Variants in FZD10 observed in about 807,000 individuals in gnomAD.
FZD10 encodes the protein frizzled-10.
A neutral mutation model predicts 24.4 loss-of-function variants in FZD10; 14 were observed. That is an observed-to-expected ratio of 0.57 (90% confidence interval 0.38 to 0.90). The LOEUF is 0.90. FZD10 is among the 40% of genes least tolerant of loss of function. FZD10 has a pLI of 0.00. For missense variants in FZD10, 775 were observed against 816.6 expected (o/e 0.95, Z 0.62); for synonymous variants, 381 against 349.1 (o/e 1.09, Z -1.02).
Position 130,163,490 on chromosome 12 carries a change from A to G in FZD10, c.548A>G (p.Lys183Arg). The stretch of plus-strand genomic sequence containing the variant: ...CACAGCGCGCAGGAGCACCCGCTGA[A>G]GGACGGGGGCCCCGGGCGCGGCGGC... ...RPHSAQEHPL[K>R]DGGPGRGGCD... The change falls in exon 1 of 1, where the codon AAG (lysine) becomes AGG (arginine). Residue 183 changes from lysine (K) to arginine (R), a missense_variant. By Grantham distance (26) the Lys-to-Arg change is conservative (BLOSUM62 2). Coordinates refer to ENST00000229030, the MANE Select transcript of FZD10 (RefSeq NM_007197.4). 1 of 1,598,560 alleles carries G rather than the reference A, an allele frequency of 6.3e-7. No homozygotes were observed. The highest frequency in any genetic ancestry group is 8.5e-7 in the Non-Finnish European group (1 of 1,172,836).
In FZD10 at chr12:130,164,246, A is replaced by G. The variant is rs751067757; in HGVS notation, c.1304A>G (p.Asp435Gly). 6.2e-7 allele frequency: 1 copy of G among 1,614,132 alleles called. No individual in the cohort carries two copies. Among genetic ancestry groups the G allele is most frequent in the South Asian group, 1.1e-5 (1 of 91,068 alleles). The change falls in exon 1 of 1, where the codon GAC becomes GGC. Residue 435 changes from aspartate (D) to glycine (G), a missense_variant. Transcript: ENST00000229030. The surrounding 1 kb of genome is among the most constrained non-coding windows in gnomAD (Gnocchi z 5.3). Reference protein sequence around the residue: ...RVMKTGGENTDKLEKLMVRIG... With the variant: ...RVMKTGGENTGKLEKLMVRIG... ...ATGAAGACGGGCGGCGAGAACACGGACAAGCTGGAGAAGCTCATGGTGCGT... is the reference window on the plus strand; with the variant it reads ...ATGAAGACGGGCGGCGAGAACACGGGCAAGCTGGAGAAGCTCATGGTGCGT...
rs1213755005 is a variant in FZD10 at position 130,164,768 on chromosome 12, CTTCT to C, written c.*83_*86del. On this transcript the variant is annotated 3_prime_UTR_variant, in exon 1 of 1. Coordinates refer to ENST00000229030, the MANE Select transcript of FZD10 (RefSeq NM_007197.4). The surrounding 1 kb of genome is among the most constrained non-coding windows in gnomAD (Gnocchi z 5.3). Reference sequence around the variant, plus strand: ...CTTGGTTGTGTTTTTCTTTCTTCTTCTTCTTTTTTTTTTTTTATAAAAGCAAAAG... The same window carrying C: ...CTTGGTTGTGTTTTTCTTTCTTCTTCTTTTTTTTTTTTATAAAAGCAAAAG... 33 of 947,552 alleles carry C rather than the reference CTTCT, an allele frequency of 3.5e-5. No homozygotes were observed. Among genetic ancestry groups the C allele is most frequent in the Middle Eastern group, 3.4e-4 (1 of 2,908 alleles). The allele number at this position is 947,552 out of a possible 1,614,324, so 58.7% of individuals were successfully genotyped here.
Position 130,163,591 on chromosome 12 carries a change from G to T in FZD10, c.649G>T (p.Val217Leu), listed in dbSNP as rs371494253. The T allele has an allele frequency of 2.7e-5, 43 of 1,611,008 alleles. No individual in the cohort carries two copies. Among genetic ancestry groups the T allele is most frequent in the Non-Finnish European group, 3.4e-5 (40 of 1,178,918 alleles). The change falls in exon 1 of 1, where the codon GTG becomes TTG. Residue 217 changes from valine to leucine, a missense_variant. Transcript: ENST00000229030. ...CAPLCTPGVDVYWSREDKRFA... is the reference protein window; with the variant it reads ...CAPLCTPGVDLYWSREDKRFA... ...GCCGCTCTGCACGCCCGGCGTGGAC[G>T]TGTACTGGAGCCGCGAGGACAAGCG...
Position 130,164,234 on chromosome 12 carries a change from G to A in FZD10, c.1292G>A (p.Gly431Asp). 1 of 1,614,170 alleles carries A rather than the reference G, an allele frequency of 6.2e-7. No individual in the cohort carries two copies. The highest frequency in any genetic ancestry group is 1.1e-5 in the South Asian group (1 of 91,084). ...ATCCGGAGGGTGATGAAGACGGGCGGCGAGAACACGGACAAGCTGGAGAAG... is the reference window on the plus strand; with the variant it reads ...ATCCGGAGGGTGATGAAGACGGGCGACGAGAACACGGACAAGCTGGAGAAG... ...FHIRRVMKTG[G>D]ENTDKLEKLM... The change falls in exon 1 of 1, where the codon GGC becomes GAC. Residue 431 changes from glycine (G) to aspartate (D), a missense_variant. Gly to Asp is a moderately conservative substitution (Grantham distance 94). Coordinates refer to ENST00000229030, the MANE Select transcript of FZD10 (RefSeq NM_007197.4). The surrounding 1 kb of genome is among the most constrained non-coding windows in gnomAD (Gnocchi z 5.3).
At position 130,162,762 on chromosome 12, in the gene FZD10, G is replaced by A. The variant is rs1194705811; in HGVS notation, c.-181G>A. The A allele has an allele frequency of 6.3e-6, 2 of 317,290 alleles. No individual in the cohort carries two copies. Among genetic ancestry groups the A allele is most frequent in the East Asian group, 4.9e-5 (1 of 20,368 alleles). 19.7% of individuals were successfully genotyped at this position (317,290 alleles called of 1,614,324 possible). ...TGCTCTCCGCCGCGGCCCCCAACTC[G>A]GCGGACGCCGGGCGCGGAGAGCCGA... is the stretch of plus-strand genomic sequence containing the variant. On this transcript the variant is annotated 5_prime_UTR_variant, in exon 1 of 1. Transcript: ENST00000229030.
In FZD10 at chr12:130,163,092, T is replaced by C. The variant is rs1871703068; in HGVS notation, c.150T>C (p.Thr50=). 3 of 1,612,342 alleles carry C rather than the reference T, an allele frequency of 1.9e-6. No homozygotes were observed. Among genetic ancestry groups the C allele is most frequent in the Non-Finnish European group, 2.5e-6 (3 of 1,179,846 alleles). The change falls in exon 1 of 1, where the codon ACT becomes ACC. Residue 50 remains threonine, a synonymous_variant. Transcript: ENST00000229030. ...GCAAGGACATCGGCTACAACATGACTCGTATGCCCAACCTGATGGGCCACG... is the reference window on the plus strand; with the variant it reads ...GCAAGGACATCGGCTACAACATGACCCGTATGCCCAACCTGATGGGCCACG... ...PMCKDIGYNM[T]RMPNLMGHEN...
chr12:130,163,746 G>A lies in FZD10; in HGVS notation c.804G>A (p.Met268Ile). The A allele has an allele frequency of 1.2e-6, 2 of 1,613,912 alleles. No individual in the cohort carries two copies. The highest frequency in any genetic ancestry group is 1.7e-6 in the Non-Finnish European group (2 of 1,180,046). Reference sequence around the variant, plus strand: ...AGCGCCCCATCATCTTCCTCTCCATGTGCTACTGCGTCTACTCCGTGGGCT... The same window carrying A: ...AGCGCCCCATCATCTTCCTCTCCATATGCTACTGCGTCTACTCCGTGGGCT... ...YPERPIIFLS[M>I]CYCVYSVGYL... The change falls in exon 1 of 1, where the codon ATG becomes ATA. Residue 268 changes from methionine to isoleucine, a missense_variant. Met to Ile is a conservative substitution (Grantham distance 10). Transcript: ENST00000229030.
At position 130,164,080 on chromosome 12, in the gene FZD10, C is replaced by G. The variant is rs770177002; in HGVS notation, c.1138C>G (p.Leu380Val). 6.2e-7 allele frequency: 1 copy of G among 1,613,490 alleles called. No homozygotes were observed. The highest frequency in any genetic ancestry group is 8.5e-7 in the Non-Finnish European group (1 of 1,179,980). Residue 380 changes from leucine (L) to valine (V), a missense_variant, in exon 1 of 1, where the codon CTC becomes GTC. Transcript: ENST00000229030. The surrounding 1 kb of genome is among the most constrained non-coding windows in gnomAD (Gnocchi z 5.3). ...CATGCGCAGGGTGGCGGGGGACGAG[C>G]TCACCGGGGTCTGCTACGTGGGCAG... is the stretch of plus-strand genomic sequence containing the variant. ...LVMRRVAGDE[L>V]TGVCYVGSMD...
chr12:130,165,226 G>C lies in FZD10; in HGVS notation c.*538G>C, dbSNP rs758902877. The C allele has an allele frequency of 1.2e-5, 2 of 167,124 alleles. No homozygotes were observed. The highest frequency in any genetic ancestry group is 4.8e-5 in the African/African-American group (2 of 41,446). 10.4% of individuals were successfully genotyped at this position (167,124 alleles called of 1,614,324 possible). On this transcript the variant is annotated 3_prime_UTR_variant, in exon 1 of 1. Coordinates refer to ENST00000229030, the MANE Select transcript of FZD10 (RefSeq NM_007197.4). ...TTTGGAGTTGCTTAAAATAGACTCCGGCCTTCACCAATAGTCTCTCTGCAA... is the reference window on the plus strand; with the variant it reads ...TTTGGAGTTGCTTAAAATAGACTCCCGCCTTCACCAATAGTCTCTCTGCAA...
At position 130,164,290 on chromosome 12, in the gene FZD10, C is replaced by T. The variant is rs1279765500; in HGVS notation, c.1348C>T (p.Leu450=). The change falls in exon 1 of 1, where the codon CTG becomes TTG. Residue 450 remains leucine, a synonymous_variant. Transcript: ENST00000229030. The surrounding 1 kb of genome is among the most constrained non-coding windows in gnomAD (Gnocchi z 5.3). ...LMVRIGLFSV[L]YTVPATCVIA... is the part of the protein sequence containing the mutation. The stretch of plus-strand genomic sequence containing the variant: ...GGTGCGTATCGGGCTCTTCTCTGTG[C>T]TGTACACCGTGCCGGCCACCTGTGT... 2 of 1,614,032 alleles carry T rather than the reference C, an allele frequency of 1.2e-6. No homozygotes were observed. Among genetic ancestry groups the T allele is most frequent in the African/African-American group, 2.7e-5 (2 of 74,926 alleles).
rs956390665 is a variant in FZD10, at chr12:130,164,889, G to T, written c.*201G>T. ...ACTTAAAGGGTTTTGTTTTGTTTTG[G>T]TTTTCCAGCGAAGGGAAGCTCCTCC... On this transcript the variant is annotated 3_prime_UTR_variant, in exon 1 of 1. Transcript: ENST00000229030. This position sits in a 1 kb window ranked among gnomAD's most constrained non-coding sequence, Gnocchi z 5.3. 5 of 491,022 alleles carry T rather than the reference G, an allele frequency of 1.0e-5. No individual in the cohort carries two copies. In the South Asian group the frequency reaches 1.4e-4, roughly 14 times the overall value. 30.4% of individuals were successfully genotyped at this position (491,022 alleles called of 1,614,324 possible).
Position 130,163,424 on chromosome 12 carries a change from G to C in FZD10, c.482G>C (p.Gly161Ala), listed in dbSNP as rs749936930. The C allele has an allele frequency of 6.2e-7, 1 of 1,611,606 alleles. No individual in the cohort carries two copies. The highest frequency in any genetic ancestry group is 8.5e-7 in the Non-Finnish European group (1 of 1,179,406). The change falls in exon 1 of 1, where the codon GGC (glycine) becomes GCC (alanine). Residue 161 changes from glycine to alanine, a missense_variant. Physicochemically the swap from Gly to Ala is moderately conservative, Grantham distance 60. Transcript: ENST00000229030. ...AACGGCTCGGACGAGCCCACCCGGG[G>C]CTCGGGCCTGTTCCCGCCGCTGTTC... ...PNNGSDEPTR[G>A]SGLFPPLFRP...
chr12:130,163,455 G>T lies in FZD10; in HGVS notation c.513G>T (p.Pro171=), dbSNP rs771412434. The T allele has an allele frequency of 1.9e-6, 3 of 1,610,518 alleles. No individual in the cohort carries two copies. The highest frequency in any genetic ancestry group is 4.5e-5 in the East Asian group (2 of 44,774). ...GCCTGTTCCCGCCGCTGTTCCGGCC[G>T]CAGCGGCCCCACAGCGCGCAGGAGC... ...GSGLFPPLFR[P]QRPHSAQEHP... The change falls in exon 1 of 1, where the codon CCG becomes CCT. Residue 171 remains proline (P), a synonymous_variant. Coordinates refer to ENST00000229030, the MANE Select transcript of FZD10 (RefSeq NM_007197.4).
In FZD10 at chr12:130,164,848, C is replaced by T; in HGVS notation, c.*160C>T. On this transcript the variant is annotated 3_prime_UTR_variant, in exon 1 of 1. Coordinates refer to ENST00000229030, the MANE Select transcript of FZD10 (RefSeq NM_007197.4). This position sits in a 1 kb window ranked among gnomAD's most constrained non-coding sequence, Gnocchi z 5.3. ...CTGAAATTCAGGATGCTGTGATACA[C>T]TGAAAGGAAAAATGTACTTAAAGGG... The T allele has an allele frequency of 1.8e-6, 1 of 569,332 alleles. No homozygotes were observed. The highest frequency in any genetic ancestry group is 3.4e-5 in the South Asian group (1 of 29,438). 35.3% of individuals were successfully genotyped at this position (569,332 alleles called of 1,614,324 possible).
chr12:130,165,569 A>T lies in FZD10; in HGVS notation c.*881A>T, dbSNP rs1411346170. The T allele has an allele frequency of 6.0e-6, 1 of 167,064 alleles. No homozygotes were observed. The highest frequency in any genetic ancestry group is 6.5e-5 in the Admixed American group (1 of 15,284). 10.3% of individuals were successfully genotyped at this position (167,064 alleles called of 1,614,324 possible). A position where few individuals can be genotyped will look rare whatever the true frequency, so the allele number is the denominator to read the frequency against. ...GACTCTTTCTATTGTTAAACAAATG[A>T]TTTCCACAAACAGATCAGGAAGCAC... is the stretch of plus-strand genomic sequence containing the variant. On this transcript the variant is annotated 3_prime_UTR_variant, in exon 1 of 1. Coordinates refer to ENST00000229030, the MANE Select transcript of FZD10 (RefSeq NM_007197.4).
rs200092271 is a variant in FZD10, at chr12:130,163,289, A to G, written c.347A>G (p.Lys116Arg). The G allele has an allele frequency of 2.8e-4, 455 of 1,612,916 alleles. 1 individual carries two copies. The highest frequency in any genetic ancestry group is 3.5e-4 in the Non-Finnish European group (412 of 1,179,956). Residue 116 changes from lysine (K) to arginine (R), a missense_variant, in exon 1 of 1, where the codon AAG (lysine) becomes AGG (arginine). Physicochemically the swap from Lys to Arg is conservative, Grantham distance 26. Coordinates refer to ENST00000229030, the MANE Select transcript of FZD10 (RefSeq NM_007197.4). ...CRVMCEQARL[K>R]CSPIMEQFNF... ...GTCATGTGCGAGCAGGCCCGGCTCAAGTGCTCCCCGATTATGGAGCAGTTC... is the reference window on the plus strand; with the variant it reads ...GTCATGTGCGAGCAGGCCCGGCTCAGGTGCTCCCCGATTATGGAGCAGTTC...
Position 130,162,823 on chromosome 12 carries a change from G to T in FZD10, c.-120G>T. The T allele has an allele frequency of 1.7e-6, 1 of 605,932 alleles. No homozygotes were observed. The highest frequency in any genetic ancestry group is 4.5e-5 in the South Asian group (1 of 22,142). 37.5% of individuals were successfully genotyped at this position (605,932 alleles called of 1,614,324 possible). On this transcript the variant is annotated 5_prime_UTR_variant, in exon 1 of 1. Coordinates refer to ENST00000229030, the MANE Select transcript of FZD10 (RefSeq NM_007197.4). ...CTGTGCGCAGCGCTCGGGCCAGGCC[G>T]GGCGGGCATGGGCGGGGGCCCGAGC... is the stretch of plus-strand genomic sequence containing the variant.
In FZD10 at chr12:130,164,595, C is replaced by A; in HGVS notation, c.1653C>A (p.Ile551=). 2 of 1,612,874 alleles carry A rather than the reference C, an allele frequency of 1.2e-6. No homozygotes were observed. The highest frequency in any genetic ancestry group is 1.7e-6 in the Non-Finnish European group (2 of 1,179,990). Residue 551 remains isoleucine (I), a synonymous_variant, in exon 1 of 1, where the codon ATC becomes ATA. Coordinates refer to ENST00000229030, the MANE Select transcript of FZD10 (RefSeq NM_007197.4). This position sits in a 1 kb window ranked among gnomAD's most constrained non-coding sequence, Gnocchi z 5.3. ...KKSRRKPASV[I]TSGGIYKKAQ... Reference sequence around the variant, plus strand: ...GCCGGAGAAAACCGGCCAGCGTGATCACCAGCGGTGGGATTTACAAAAAAG... The same window carrying A: ...GCCGGAGAAAACCGGCCAGCGTGATAACCAGCGGTGGGATTTACAAAAAAG...
In FZD10 at chr12:130,164,339, G is replaced by T; in HGVS notation, c.1397G>T (p.Arg466Leu). Residue 466 changes from arginine to leucine, a missense_variant, in exon 1 of 1, where the codon CGC becomes CTC. Arg to Leu is a moderately radical substitution (Grantham distance 102, BLOSUM62 -2). Transcript: ENST00000229030. This position sits in a 1 kb window ranked among gnomAD's most constrained non-coding sequence, Gnocchi z 5.3. Reference sequence around the variant, plus strand: ...GTGATCGCCTGCTACTTTTACGAACGCCTCAACATGGATTACTGGAAGATC... The same window carrying T: ...GTGATCGCCTGCTACTTTTACGAACTCCTCAACATGGATTACTGGAAGATC... ...TCVIACYFYE[R>L]LNMDYWKILA... 6.2e-7 allele frequency: 1 copy of T among 1,614,098 alleles called. No individual in the cohort carries two copies. The highest frequency in any genetic ancestry group is 8.5e-7 in the Non-Finnish European group (1 of 1,180,030).
Sources: gnomAD v4.1 joint callset for allele counts on GRCh38, gnomAD v4.1.1 for gene constraint, Gnocchi (gnomAD v3.1) non-coding constraint, MANE v1.5 for transcripts, NCBI Gene and HGNC (gene_info 2026-07-23, HGNC 2026-07-21) for gene names.